NSD1: variants seen among roughly 807,000 people sequenced by gnomAD.
NSD1 encodes the protein histone-lysine N-methyltransferase, H3 lysine-36 specific.
In NSD1, 26 loss-of-function variants were observed where a neutral mutation model predicts 242.7. That is an observed-to-expected ratio of 0.11 (90% CI 0.08 to 0.15). The LOEUF is 0.15. Among genes scored for constraint, NSD1 ranks in the 10% least tolerant of loss-of-function variants. The pLI, the probability that NSD1 is intolerant of heterozygous loss-of-function variation, is 1.00. For synonymous variants in NSD1, 1,106 were observed against 1,178.1 expected (o/e 0.94, Z 1.25); for missense variants, 2,495 against 3,272.8 (o/e 0.76, Z 5.80).
At chr5:177,248,120 G>A (rs1203123481) in intron 10 of NSD1, 61 bp from the exon 11 acceptor site, 5 of 1,603,988 alleles carry the variant, frequency 3.1e-6, no homozygotes, top group Non-Finnish European at 4.3e-6. Flanking sequence ...CCCAGAGGGA[G>A]GGGGTCAAAT....
chr5:177,235,695 G>A, intron 5 of NSD1, 126 bp from the exon 6 acceptor site: 1 of 1,239,564 alleles, frequency 8.1e-7, no homozygotes, highest in Non-Finnish European at 1.1e-6. Flanking sequence ...TGCATCTTAA[G>A]CCATAGTCTA....
chr5:177,196,515 C>A (rs1051295495), intron 3 of NSD1, among the ~76,000 whole-genome samples: 1 of 152,120 alleles, frequency 6.6e-6, no homozygotes, highest in Admixed American at 6.6e-5. Flanking sequence ...AGAATGAAGT[C>A]CTGAGGCTTT....
chr5:177,165,780 G>A (rs1759137077), intron 2 of NSD1, among the ~76,000 whole-genome samples: 1 of 151,922 alleles, frequency 6.6e-6, no homozygotes, highest in African/African-American at 2.4e-5. Context: ...TGTTGTTGTT[G>A]TTGTTGTTGT....
intron 2 of NSD1, among the ~76,000 whole-genome samples, chr5:177,168,313 TATG>T (rs1318952818): frequency 1.3e-5 from 2 of 152,136 alleles, no homozygotes; most frequent in African/African-American, 4.8e-5. Flanking sequence ...ATTTTCAACT[TATG>T]ATATTTTTGA....
rs539879823 is a variant in NSD1 at position 177,216,948 on chromosome 5, G to GT, written c.3796+4767dup. ...GAAATCAAGAAATGTAAGGCCTTCA[G>GT]TTTTTTTTTTTTTTCTTCTCAAGAT... On this transcript the variant is annotated intron_variant, in intron 5 of 22. Coordinates refer to ENST00000439151, the MANE Select transcript of NSD1 (RefSeq NM_022455.5). 7.1e-3 allele frequency among the ~76,000 whole-genome samples: 1,005 copies of GT among 141,438 alleles called. 3 individuals carry two copies. Among genetic ancestry groups the GT allele is most frequent in the Middle Eastern group, 0.011 (3 of 268 alleles). The allele number at this position is 141,438 out of a possible 152,430, so 92.8% of individuals were successfully genotyped here.
chr5:177,139,250 T>C (rs1221833116), intron 2 of NSD1, among the ~76,000 whole-genome samples: 1 of 122,704 alleles, frequency 8.1e-6, no homozygotes, highest in Non-Finnish European at 1.7e-5. Flanking sequence ...AAACTCCCTC[T>C]CAAGAAAAAA....
chr5:177,294,999 C>G lies in NSD1; in HGVS notation c.7631C>G (p.Ala2544Gly). The change falls in exon 23 of 23, where the codon GCC becomes GGC. Residue 2544 changes from alanine to glycine, a missense_variant. Ala to Gly is a moderately conservative substitution (Grantham distance 60, BLOSUM62 0). Around this residue, in one of 19 missense-constraint regions of NSD1, gnomAD observed 475 missense variants for 563.7 expected, o/e 0.84. Transcript: ENST00000439151. ...GCCAGACTTCTTTCTCAGCCTCCTG[C>G]CAAGGCCTTTTTATATGAGCCAACA... is the stretch of plus-strand genomic sequence containing the variant. ...TQARLLSQPP[A>G]KAFLYEPTTQ... 1 of 1,614,224 alleles carries G rather than the reference C, an allele frequency of 6.2e-7. No homozygotes were observed. Among genetic ancestry groups the G allele is most frequent in the African/African-American group, 1.3e-5 (1 of 75,062 alleles).
chr5:177,208,352 A>G (rs926374766), intron 4 of NSD1, among the ~76,000 whole-genome samples: 1 of 152,156 alleles, frequency 6.6e-6, no homozygotes, highest in African/African-American at 2.4e-5. Context: ...TTTAACATTT[A>G]TAGTCGATTC....
At chr5:177,265,115 A>G in intron 14 of NSD1, 1 of 754,196 alleles carries the variant, frequency 1.3e-6, no homozygotes, top group Non-Finnish European at 2.4e-6. Context: ...AAAAGAAGCC[A>G]AAGAGAAAGT....
At chr5:177,241,070 G>T (rs1476152148) in intron 8 of NSD1, among the ~76,000 whole-genome samples, 1 of 152,118 alleles carries the variant, frequency 6.6e-6, no homozygotes, top group Non-Finnish European at 1.5e-5. Context: ...ACACAAAGAT[G>T]TTCTCCCTGT....
chr5:177,185,689 GTTTT>G (rs1196478740), intron 2 of NSD1, among the ~76,000 whole-genome samples: 1 of 111,142 alleles, frequency 9.0e-6, no homozygotes, highest in Non-Finnish European at 1.7e-5. Flanking sequence ...ATATATATTT[GTTTT>G]TTATTATAAT....
chr5:177,278,959 G>GTTTT (rs1270926261), intron 17 of NSD1, among the ~76,000 whole-genome samples: 1 of 152,126 alleles, frequency 6.6e-6, no homozygotes, highest in African/African-American at 2.4e-5. Context: ...ATAACTGTTT[G>GTTTT]ACCTTCATGT....
chr5:177,235,544 C>T (rs1230678775), intron 5 of NSD1, among the ~76,000 whole-genome samples: 1 of 152,096 alleles, frequency 6.6e-6, no homozygotes, highest in African/African-American at 2.4e-5. Context: ...ACTATAAGAC[C>T]TGGCTTTAAA....
chr5:177,241,507 T>A (rs1439395307), intron 8 of NSD1, among the ~76,000 whole-genome samples: 2 of 149,828 alleles, frequency 1.3e-5, no homozygotes, highest in African/African-American at 4.9e-5. Context: ...TCTCTCTCTC[T>A]CAAAAAAAAA....
chr5:177,269,552 A>T lies in NSD1; in HGVS notation c.5304-50A>T. On this transcript the variant is annotated intron_variant, in intron 15 of 22. Transcript: ENST00000439151. This position sits in a 1 kb window ranked among gnomAD's most constrained non-coding sequence, Gnocchi z 5.1. ...TTTATATGAGTAGGTTATTTTCCTA[A>T]TGCCTTGCAGCCTTCTAGAGGTTTT... The T allele has an allele frequency of 6.5e-7, 1 of 1,536,268 alleles. No homozygotes were observed. The highest frequency in any genetic ancestry group is 9.0e-7 in the Non-Finnish European group (1 of 1,110,444).
intron 15 of NSD1, among the ~76,000 whole-genome samples, chr5:177,268,766 A>C (rs1437126164): frequency 6.6e-6 from 1 of 151,920 alleles, no homozygotes; most frequent in Non-Finnish European, 1.5e-5. Flanking sequence ...TTGTTGATAC[A>C]TTTTCCTGCA....
intron 3 of NSD1, among the ~76,000 whole-genome samples, chr5:177,192,594 C>G (rs1367740946): frequency 6.6e-6 from 1 of 152,176 alleles, no homozygotes; most frequent in Non-Finnish European, 1.5e-5. Flanking sequence ...CGGGGTTTCT[C>G]CATGTTGGTC....
At chr5:177,270,345 C>T (rs1757854711) in intron 16 of NSD1, among the ~76,000 whole-genome samples, 1 of 152,180 alleles carries the variant, frequency 6.6e-6, no homozygotes, top group African/African-American at 2.4e-5. Context: ...TTACTGCTTA[C>T]CAGGTGGTCC....
chr5:177,283,355 C>T (rs889442862), intron 19 of NSD1, among the ~76,000 whole-genome samples: 2 of 152,340 alleles, frequency 1.3e-5, no homozygotes, highest in African/African-American at 4.8e-5. Flanking sequence ...ATATTCTGAT[C>T]TTACTTTGGG....
Sources: allele counts gnomAD v4.1 joint callset (sites outside exome capture counted in the v4.1 genomes callset), GRCh38; gene constraint gnomAD v4.1.1; regional missense constraint gnomAD v4.1.1; non-coding constraint Gnocchi (gnomAD v3.1); transcripts MANE v1.5; gene names NCBI Gene and HGNC (gene_info 2026-07-23, HGNC 2026-07-21).